Variants in SAMD12 observed in about 807,000 individuals in gnomAD.
SAMD12 encodes the protein sterile alpha motif domain containing 12.
Under a neutral mutation model 15.0 loss-of-function variants are expected in SAMD12, and 9 were observed. The ratio of observed to expected loss-of-function variants is 0.60; its 90% CI spans 0.36 to 1.05. The LOEUF is 1.05. Among genes scored for constraint, SAMD12 ranks in the 50% least tolerant of loss-of-function variants. SAMD12 has a pLI of 0.01. For synonymous variants in SAMD12, 86 were observed against 90.1 expected (o/e 0.96, Z 0.25); for missense variants, 230 against 234.2 (o/e 0.98, Z 0.12).
chr8:118,213,848 C>T (rs1027824730), intron 4 of SAMD12, among the ~76,000 whole-genome samples: 2 of 152,130 alleles, frequency 1.3e-5, no homozygotes, highest in Non-Finnish European at 2.9e-5. Flanking sequence ...TATTCCTTAG[C>T]CCTCATAGGA....
chr8:118,499,616 GT>G (rs1229747999), intron 2 of SAMD12, among the ~76,000 whole-genome samples: 21 of 152,170 alleles, frequency 1.4e-4, no homozygotes, highest in Admixed American at 7.8e-4. Flanking sequence ...TTTCAGAATA[GT>G]TTCATATGTC....
At chr8:118,566,143 C>T (rs1826839576) in intron 2 of SAMD12, among the ~76,000 whole-genome samples, 1 of 152,172 alleles carries the variant, frequency 6.6e-6, no homozygotes, top group Admixed American at 6.5e-5. Flanking sequence ...ACATGATCTC[C>T]CCAATATCAT....
intron 4 of SAMD12, among the ~76,000 whole-genome samples, chr8:118,310,629 C>A (rs1318219689): frequency 6.6e-6 from 1 of 152,164 alleles, no homozygotes. Flanking sequence ...CAATGATTTC[C>A]CTAGGATTCT....
chr8:118,487,294 C>T (rs1824317740), intron 2 of SAMD12, among the ~76,000 whole-genome samples: 1 of 152,146 alleles, frequency 6.6e-6, no homozygotes, highest in African/African-American at 2.4e-5. Flanking sequence ...GAGCACTAAG[C>T]TCCTCTGGGA....
chr8:118,593,703 G>GT (rs950893211), intron 1 of SAMD12, among the ~76,000 whole-genome samples: 9 of 152,040 alleles, frequency 5.9e-5, no homozygotes, highest in Admixed American at 2.6e-4. Flanking sequence ...AAGTCAATGT[G>GT]TTTTTTTCTG....
intron 3 of SAMD12, among the ~76,000 whole-genome samples, chr8:118,393,985 A>G (rs1563824441): frequency 2.0e-5 from 3 of 149,344 alleles, no homozygotes; most frequent in Admixed American, 1.3e-4. Flanking sequence ...TCATCAATAA[A>G]AGAGTAATAA....
the SAMD12 span, among the ~76,000 whole-genome samples, chr8:118,163,807 A>G: frequency 0.27 from 40,600 of 152,078 alleles, 5,703 homozygotes; most frequent in Non-Finnish European, 0.32. Flanking sequence ...CCCTGGAGGC[A>G]GAGCTTGCAG....
Position 118,246,917 on chromosome 8 carries a change from C to T in SAMD12, c.434-49185G>A, listed in dbSNP as rs77331249. 1.6e-3 allele frequency among the ~76,000 whole-genome samples: 239 copies of T among 152,154 alleles called. 1 individual carries two copies. The highest frequency in any genetic ancestry group is 5.5e-3 in the African/African-American group (229 of 41,514). On this transcript the variant is annotated intron_variant, in intron 4 of 4. Transcript: ENST00000409003. The stretch of plus-strand genomic sequence containing the variant: ...ATAATTTGGTGTTACTAGATAGTAA[C>T]GTGCAATGCTTTGCTGGCTGGCAAC...
At chr8:118,493,381 C>A (rs1036895056) in intron 2 of SAMD12, among the ~76,000 whole-genome samples, 1 of 152,160 alleles carries the variant, frequency 6.6e-6, no homozygotes, top group African/African-American at 2.4e-5. Flanking sequence ...CACTGGCCTA[C>A]TTTTGCTTCT....
chr8:118,399,577 G>A (rs1277586024), intron 3 of SAMD12, among the ~76,000 whole-genome samples: 1 of 152,184 alleles, frequency 6.6e-6, no homozygotes, highest in Non-Finnish European at 1.5e-5. Context: ...GGATAACTTT[G>A]AAGGGCAGTC....
chr8:118,162,678 G>C, the SAMD12 span, among the ~76,000 whole-genome samples: 4 of 152,172 alleles, frequency 2.6e-5, no homozygotes, highest in African/African-American at 9.7e-5. Context: ...CTGAATTGCT[G>C]TAAACAGATG....
intron 4 of SAMD12, among the ~76,000 whole-genome samples, chr8:118,240,918 T>C (rs1812548524): frequency 6.6e-6 from 1 of 152,070 alleles, no homozygotes; most frequent in African/African-American, 2.4e-5. Context: ...TTTTGTAATG[T>C]AATTAAGATT....
intron 4 of SAMD12, among the ~76,000 whole-genome samples, chr8:118,215,505 G>A (rs1411274578): frequency 6.6e-6 from 1 of 151,680 alleles, no homozygotes; most frequent in Non-Finnish European, 1.5e-5. Flanking sequence ...GGGTACATGT[G>A]CACATTGTGC....
At chr8:118,302,865 C>A (rs1322947550) in intron 4 of SAMD12, among the ~76,000 whole-genome samples, 2 of 152,170 alleles carry the variant, frequency 1.3e-5, no homozygotes, top group East Asian at 3.8e-4. Context: ...GAACCTCTGA[C>A]CTATTATCTA....
At chr8:118,392,547 T>A (rs1386129188) in intron 3 of SAMD12, among the ~76,000 whole-genome samples, 1 of 152,198 alleles carries the variant, frequency 6.6e-6, no homozygotes, top group African/African-American at 2.4e-5. Context: ...TGTAGCTCAC[T>A]CCAAAACTAT....
In SAMD12 at chr8:118,595,974, T is replaced by C. The variant is rs376039118; in HGVS notation, c.14-15081A>G. Among the ~76,000 whole-genome samples the C allele has an allele frequency of 9.8e-5, 15 of 152,328 alleles. No individual in the cohort carries two copies. In the East Asian group the frequency reaches 1.2e-3, roughly 12 times the overall value. ...TGACTTTGGCTTTGGCCATGTGAATTTGGTCAATGGATATAAGTGGACAAG... is the reference window on the plus strand; with the variant it reads ...TGACTTTGGCTTTGGCCATGTGAATCTGGTCAATGGATATAAGTGGACAAG... On this transcript the variant is annotated intron_variant, in intron 1 of 3. Transcript: ENST00000314727.
intron 2 of SAMD12, among the ~76,000 whole-genome samples, chr8:118,529,560 T>C (rs1386712446): frequency 6.6e-6 from 1 of 152,160 alleles, no homozygotes; most frequent in Non-Finnish European, 1.5e-5. Context: ...CTCCTACCCC[T>C]TGGAGTTGCC....
At chr8:118,138,231 T>A in the SAMD12 span, among the ~76,000 whole-genome samples, 2 of 152,082 alleles carry the variant, frequency 1.3e-5, no homozygotes, top group African/African-American at 4.8e-5. Context: ...GGGCTGAATA[T>A]CCCAGTAAGA....
intron 2 of SAMD12, among the ~76,000 whole-genome samples, chr8:118,531,503 A>C (rs1265547368): frequency 2.0e-5 from 3 of 152,130 alleles, no homozygotes; most frequent in Non-Finnish European, 4.4e-5. Flanking sequence ...CATTGAATCT[A>C]TAAATTACCT....
Sources: gnomAD v4.1 joint callset for allele counts (sites outside exome capture counted in the v4.1 genomes callset) on GRCh38, gnomAD v4.1.1 for gene constraint, MANE v1.5 for transcripts, NCBI Gene and HGNC (gene_info 2026-07-23, HGNC 2026-07-21) for gene names.